The following BRDT variants were observed in gnomAD, a reference collection of about 807,000 sequenced individuals.
BRDT encodes the protein bromodomain testis-specific protein.
A neutral mutation model predicts 113.9 loss-of-function variants in BRDT; 77 were observed. The observed-to-expected ratio is 0.68, with a 90% CI of 0.56 to 0.82. BRDT has a LOEUF of 0.82. Ranked by LOEUF, BRDT falls within the 40% of genes least tolerant of loss-of-function variation. BRDT has a pLI of 0.00. For synonymous variants in BRDT, 358 were observed against 366.5 expected (o/e 0.98, Z 0.26); for missense variants, 1,027 against 1,105.4 (o/e 0.93, Z 1.01).
chr1:91,994,091 T>C lies in BRDT; in HGVS notation c.2124T>C (p.Tyr708=). The C allele has an allele frequency of 6.2e-7, 1 of 1,603,774 alleles. No individual in the cohort carries two copies. The change falls in exon 15 of 19, where the codon TAT becomes TAC. Residue 708 remains tyrosine, a synonymous_variant. Coordinates refer to ENST00000399546, the MANE Select transcript of BRDT (RefSeq NM_207189.4). ...EGRTGVTQIG[Y]CVQDTTSANT... is the part of the protein sequence containing the mutation. ...TGATTTTGTTTTAACAGATAGGATA[T>C]TGTGTGCAAGACACAACCTCTGCCA...
rs773413281 is a variant in BRDT at position 91,977,291 on chromosome 1, T to C, written c.867T>C (p.Phe289=). Residue 289 remains phenylalanine (F), a synonymous_variant, in exon 6 of 19, where the codon TTT becomes TTC. Transcript: ENST00000399546. ...AAGAAATGCTTGCAAAGAAACATTTTTCATATGCATGGCCCTTTTATAATC... is the reference window on the plus strand; with the variant it reads ...AAGAAATGCTTGCAAAGAAACATTTCTCATATGCATGGCCCTTTTATAATC... ...ILKEMLAKKH[F]SYAWPFYNPV... 5.0e-6 allele frequency: 8 copies of C among 1,613,992 alleles called. No individual in the cohort carries two copies. In the African/African-American group the frequency reaches 9.3e-5, roughly 19 times the overall value.
Position 91,962,873 on chromosome 1 carries a change from T to A in BRDT, c.119T>A (p.Leu40Gln). Residue 40 changes from leucine (L) to glutamine (Q), a missense_variant, in exon 2 of 19, where the codon CTA becomes CAA. Physicochemically the swap from Leu to Gln is moderately radical, Grantham distance 113 (BLOSUM62 -2). Coordinates refer to ENST00000399546, the MANE Select transcript of BRDT (RefSeq NM_207189.4). Reference protein sequence around the residue: ...NQLQYLQKVVLKDLWKHSFSW... With the variant: ...NQLQYLQKVVQKDLWKHSFSW... ...CTTCAGTATCTACAAAAAGTTGTCC[T>A]AAAGGATTTATGGAAGCATAGTTTT... The A allele has an allele frequency of 6.2e-7, 1 of 1,612,930 alleles. No homozygotes were observed. Among genetic ancestry groups the A allele is most frequent in the South Asian group, 1.1e-5 (1 of 90,714 alleles).
chr1:91,974,270 C>A (rs1683903578), intron 4 of BRDT, among the ~76,000 whole-genome samples: 1 of 152,152 alleles, frequency 6.6e-6, no homozygotes, highest in African/African-American at 2.4e-5. Flanking sequence ...GCAACAAAAG[C>A]CGAAATAGAC....
At chr1:91,974,607 G>A (rs1353722938) in intron 4 of BRDT, among the ~76,000 whole-genome samples, 1 of 152,122 alleles carries the variant, frequency 6.6e-6, no homozygotes, top group South Asian at 2.1e-4. Context: ...AGTTAGAATG[G>A]CGATCATTAA....
chr1:91,977,393 G>T lies in BRDT; in HGVS notation c.969G>T (p.Lys323Asn). The change falls in exon 6 of 19, where the codon AAG (lysine) becomes AAT (asparagine). Residue 323 changes from lysine (K) to asparagine (N), a missense_variant and splice_region_variant. Lys to Asn is a moderately conservative substitution (Grantham distance 94, BLOSUM62 0). Coordinates refer to ENST00000399546, the MANE Select transcript of BRDT (RefSeq NM_207189.4). ...VKNPMDLGTI[K>N]EKMDNQEYKD... ...ATCCGATGGATCTTGGAACTATTAA[G>T]GTAAATGTTGCCTTAAAAGGAAGAA... The T allele has an allele frequency of 6.6e-7, 1 of 1,519,790 alleles. No homozygotes were observed. Among genetic ancestry groups the T allele is most frequent in the Non-Finnish European group, 8.8e-7 (1 of 1,133,804 alleles). 94.1% of individuals were successfully genotyped at this position (1,519,790 alleles called of 1,614,324 possible). A position where few individuals can be genotyped will look rare whatever the true frequency, so the allele number is the denominator to read the frequency against.
intron 4 of BRDT, among the ~76,000 whole-genome samples, chr1:91,970,223 A>G (rs896385589): frequency 6.6e-6 from 1 of 152,220 alleles, no homozygotes; most frequent in African/African-American, 2.4e-5. Context: ...CACGTGTCAG[A>G]TGAAATTACA....
At chr1:91,959,556 T>C (rs1163316073) in intron 1 of BRDT, among the ~76,000 whole-genome samples, 2 of 151,968 alleles carry the variant, frequency 1.3e-5, no homozygotes, top group Admixed American at 6.6e-5. Flanking sequence ...TCTGAGCTCA[T>C]TGCAGCCTCT....
At chr1:91,982,234 A>ATT (rs912692925) in intron 12 of BRDT, among the ~76,000 whole-genome samples, 1 of 151,498 alleles carries the variant, frequency 6.6e-6, no homozygotes, top group Non-Finnish European at 1.5e-5. Context: ...TGTGAATCAG[A>ATT]TTTTTTTTTC....
At chr1:91,957,807 T>C (rs1681954752) in intron 1 of BRDT, among the ~76,000 whole-genome samples, 1 of 152,190 alleles carries the variant, frequency 6.6e-6, no homozygotes, top group African/African-American at 2.4e-5. Context: ...CTGATCTTTT[T>C]ACTATCTCTA....
chr1:92,011,371 CTTTAAT>C (rs1193168787), intron 18 of BRDT, among the ~76,000 whole-genome samples: 1 of 152,116 alleles, frequency 6.6e-6, no homozygotes, highest in African/African-American at 2.4e-5. Flanking sequence ...GAATTTTAAA[CTTTAAT>C]TTTAATGAAC....
intron 18 of BRDT, among the ~76,000 whole-genome samples, chr1:92,010,971 T>C (rs1206440166): frequency 1.3e-5 from 2 of 152,160 alleles, no homozygotes; most frequent in Admixed American, 6.5e-5. Context: ...TGCTAGATTT[T>C]TTTTTTTTTT....
chr1:91,984,117 C>G (rs1557840853), intron 12 of BRDT, among the ~76,000 whole-genome samples: 2 of 152,120 alleles, frequency 1.3e-5, no homozygotes. Context: ...TGGAAAAACA[C>G]TTTATATATG....
chr1:91,991,725 G>A (rs1399786104), intron 13 of BRDT, among the ~76,000 whole-genome samples: 1 of 152,184 alleles, frequency 6.6e-6, no homozygotes, highest in Non-Finnish European at 1.5e-5. Flanking sequence ...AGGCGAGGTG[G>A]CTCACGCCTG....
chr1:91,997,204 G>C (rs976752252), intron 15 of BRDT, among the ~76,000 whole-genome samples: 1 of 152,096 alleles, frequency 6.6e-6, no homozygotes, highest in South Asian at 2.1e-4. Flanking sequence ...ATTACATTGG[G>C]AATGTGAGAA....
At chr1:91,982,337 ATTATC>A (rs1684800829) in intron 12 of BRDT, among the ~76,000 whole-genome samples, 1 of 152,126 alleles carries the variant, frequency 6.6e-6, no homozygotes, top group African/African-American at 2.4e-5. Context: ...CAAGTGCCAT[ATTATC>A]TTGTATAGTT....
At position 92,002,112 on chromosome 1, in the gene BRDT, C is replaced by T. The variant is rs116454064; in HGVS notation, c.2351C>T (p.Thr784Met). Residue 784 changes from threonine to methionine, a missense_variant, in exon 16 of 19, where the codon ACG (threonine) becomes ATG (methionine). Coordinates refer to ENST00000399546, the MANE Select transcript of BRDT (RefSeq NM_207189.4). Reference protein sequence around the residue: ...VMHPSGDSDTTMLESECQAPV... With the variant: ...VMHPSGDSDTMMLESECQAPV... ...CATCCATCTGGTGATAGTGACACAACGATGTTAGAATCTGAATGTCAAGCT... is the reference window on the plus strand; with the variant it reads ...CATCCATCTGGTGATAGTGACACAATGATGTTAGAATCTGAATGTCAAGCT... 189 of 1,613,580 alleles carry T rather than the reference C, an allele frequency of 1.2e-4. 1 individual carries two copies. In the African/African-American group the frequency reaches 2.3e-3, roughly 20 times the overall value.
chr1:92,013,116 G>C (rs1472552356), intron 18 of BRDT, among the ~76,000 whole-genome samples: 1 of 150,454 alleles, frequency 6.6e-6, no homozygotes, highest in African/African-American at 2.5e-5. Context: ...TCCTTGGGAG[G>C]CTGAGGAAAG....
intron 7 of BRDT, among the ~76,000 whole-genome samples, chr1:91,978,925 G>A (rs1175055664): frequency 2.0e-5 from 3 of 147,752 alleles, no homozygotes; most frequent in Non-Finnish European, 4.5e-5. Context: ...GTGAACCCGG[G>A]AGGCAGAGCT....
chr1:91,985,864 T>C (rs1052094027), intron 12 of BRDT, among the ~76,000 whole-genome samples: 1 of 150,796 alleles, frequency 6.6e-6, no homozygotes, highest in Non-Finnish European at 1.5e-5. Flanking sequence ...GGTCTCGATC[T>C]CCTGACCTCG....
Sources: allele counts gnomAD v4.1 joint callset (sites outside exome capture counted in the v4.1 genomes callset), GRCh38; gene constraint gnomAD v4.1.1; transcripts MANE v1.5; gene names NCBI Gene and HGNC (gene_info 2026-07-23, HGNC 2026-07-21).